The following KIAA1586 variants were observed in gnomAD, a reference collection of about 807,000 sequenced individuals.
KIAA1586 encodes the protein KIAA1586.
In KIAA1586, 5 loss-of-function variants were observed where a neutral mutation model predicts 6.1. The observed-to-expected ratio is 0.82, with a 90% confidence interval of 0.43 to 1.73. The LOEUF (loss-of-function observed/expected upper bound fraction) is 1.73. Among genes scored for constraint, KIAA1586 ranks in the 40% most tolerant of loss-of-function variants. KIAA1586 has a pLI of 0.02. For missense variants in KIAA1586, 899 were observed against 878.2 expected (o/e 1.02, Z -0.30); for synonymous variants, 280 against 301.7 (o/e 0.93, Z 0.75).
downstream of KIAA1586, among the ~76,000 whole-genome samples, chr6:57,055,599 G>T (rs1828486422): frequency 6.6e-6 from 1 of 152,080 alleles, no homozygotes; most frequent in Non-Finnish European, 1.5e-5. Context: ...ATTTTATGCA[G>T]ACAACAGGAA....
At chr6:57,058,692 A>G, downstream of KIAA1586, among the ~76,000 whole-genome samples, 1 of 152,210 alleles carries the variant, frequency 6.6e-6, no homozygotes, top group Admixed American at 6.5e-5. Context: ...AACTTCTAAA[A>G]ATAAAAATCA....
chr6:57,054,814 C>G lies in KIAA1586; in HGVS notation c.2315C>G (p.Ser772Ter). ...LATDTRVRQKSTKVFHENQLA... is the reference protein window; with the variant it reads ...LATDTRVRQK ...ACAGATACAAGAGTTCGGCAAAAGT[C>G]AACAAAAGTCTTCCATGAGAATCAA... The change falls in exon 4 of 4, where the codon TCA becomes TGA. Residue 772 changes from serine to a stop codon, truncating the protein, a stop_gained. Coordinates refer to ENST00000370733, the MANE Select transcript of KIAA1586 (RefSeq NM_020931.4). LOFTEE classifies it high-confidence loss of function. 1.3e-6 allele frequency: 2 copies of G among 1,550,732 alleles called. No homozygotes were observed. The highest frequency in any genetic ancestry group is 1.2e-5 in the South Asian group (1 of 83,950).
the KIAA1586 span, among the ~76,000 whole-genome samples, chr6:57,063,870 A>G: frequency 6.6e-6 from 1 of 152,234 alleles, no homozygotes; most frequent in South Asian, 2.1e-4. Context: ...AAACAATACT[A>G]TGAATTGGCC....
At position 57,055,038 on chromosome 6, in the gene KIAA1586, A is replaced by C; in HGVS notation, c.*175A>C. ...TTGGTTTTAGAAGCTATAGTTTTTT[A>C]GAGATTGGCCCATGTTTGCTAGAGT... On this transcript the variant is annotated 3_prime_UTR_variant, in exon 4 of 4. Transcript: ENST00000370733. 1.4e-6 allele frequency: 1 copy of C among 704,254 alleles called. No homozygotes were observed. The highest frequency in any genetic ancestry group is 2.2e-6 in the Non-Finnish European group (1 of 461,458). 43.6% of individuals were successfully genotyped at this position (704,254 alleles called of 1,614,324 possible). A position where few individuals can be genotyped will look rare whatever the true frequency, so the allele number is the denominator to read the frequency against.
In KIAA1586 at chr6:57,053,610, A is replaced by G. The variant is rs367875735; in HGVS notation, c.1111A>G (p.Asn371Asp). The G allele has an allele frequency of 2.5e-6, 4 of 1,611,038 alleles. No individual in the cohort carries two copies. The highest frequency in any genetic ancestry group is 3.4e-6 in the Non-Finnish European group (4 of 1,177,946). Reference protein sequence around the residue: ...CIVNTLLTTLNDCGFTNEYLK... With the variant: ...CIVNTLLTTLDDCGFTNEYLK... ...TGTCAATACATTATTGACTACTTTA[A>G]ATGATTGTGGTTTTACAAATGAATA... The change falls in exon 4 of 4, where the codon AAT becomes GAT. Residue 371 changes from asparagine (N) to aspartate (D), a missense_variant. Transcript: ENST00000370733.
Position 57,054,980 on chromosome 6 carries a change from A to G in KIAA1586, c.*117A>G. ...AACTTTTATCAGCATGTTGCTGTTTAAAAGGCGTTCTTTAAGAAGATAATC... is the reference window on the plus strand; with the variant it reads ...AACTTTTATCAGCATGTTGCTGTTTGAAAGGCGTTCTTTAAGAAGATAATC... On this transcript the variant is annotated 3_prime_UTR_variant, in exon 4 of 4. Transcript: ENST00000370733. 8.7e-7 allele frequency: 1 copy of G among 1,154,622 alleles called. No homozygotes were observed. 71.5% of individuals were successfully genotyped at this position (1,154,622 alleles called of 1,614,324 possible).
the KIAA1586 span, among the ~76,000 whole-genome samples, chr6:57,062,179 C>G: frequency 6.6e-6 from 1 of 152,170 alleles, no homozygotes; most frequent in Non-Finnish European, 1.5e-5. Context: ...AATACACTGA[C>G]CTTGGCCTCC....
chr6:57,059,426 A>C (rs1828536700), downstream of KIAA1586, among the ~76,000 whole-genome samples: 1 of 152,012 alleles, frequency 6.6e-6, no homozygotes, highest in Non-Finnish European at 1.5e-5. Flanking sequence ...CCCCGTCTCT[A>C]CTAAAAATAC....
intron 2 of KIAA1586, among the ~76,000 whole-genome samples, chr6:57,049,404 ACTT>A (rs1481010833): frequency 6.6e-6 from 1 of 152,012 alleles, no homozygotes; most frequent in Non-Finnish European, 1.5e-5. Flanking sequence ...AAAGTTTGTT[ACTT>A]CTTGATATAT....
At chr6:57,059,681 T>C (rs183302208), downstream of KIAA1586, among the ~76,000 whole-genome samples, 7 of 152,228 alleles carry the variant, frequency 4.6e-5, no homozygotes, top group Non-Finnish European at 7.4e-5. Context: ...CAAAACCAAG[T>C]TTCATCAATC....
chr6:57,053,862 A>G lies in KIAA1586; in HGVS notation c.1363A>G (p.Asn455Asp). 1.3e-6 allele frequency: 2 copies of G among 1,554,154 alleles called. No individual in the cohort carries two copies. Among genetic ancestry groups the G allele is most frequent in the Non-Finnish European group, 8.7e-7 (1 of 1,148,456 alleles). The change falls in exon 4 of 4, where the codon AAT becomes GAT. Residue 455 changes from asparagine (N) to aspartate (D), a missense_variant. Transcript: ENST00000370733. ...AATTTATTCTATTTATCATCAACCT[A>G]ATAAAAATCAAACCAAGCTTCTAGG... ...DKIYSIYHQP[N>D]KNQTKLLGTV... is the part of the protein sequence containing the mutation.
At chr6:57,059,682 T>G (rs1828540510), downstream of KIAA1586, among the ~76,000 whole-genome samples, 1 of 152,140 alleles carries the variant, frequency 6.6e-6, no homozygotes, top group Non-Finnish European at 1.5e-5. Context: ...AAAACCAAGT[T>G]TCATCAATCT....
the KIAA1586 span, among the ~76,000 whole-genome samples, chr6:57,061,076 C>G: frequency 3.5e-4 from 53 of 151,858 alleles, no homozygotes; most frequent in East Asian, 9.3e-3. Context: ...CTTCCTGGTT[C>G]AAGCGATTCT....
the KIAA1586 span, among the ~76,000 whole-genome samples, chr6:57,065,803 T>C: frequency 6.6e-6 from 1 of 152,230 alleles, no homozygotes; most frequent in Non-Finnish European, 1.5e-5. Context: ...TTATGTAGTT[T>C]CTATATGATT....
At chr6:57,066,743 T>TGTGC in the KIAA1586 span, among the ~76,000 whole-genome samples, 18 of 152,204 alleles carry the variant, frequency 1.2e-4, no homozygotes, top group African/African-American at 3.9e-4. Context: ...TATGTGGAGA[T>TGTGC]GTGCGTATGG....
downstream of KIAA1586, among the ~76,000 whole-genome samples, chr6:57,059,447 C>T (rs1562573742): frequency 6.6e-6 from 1 of 151,876 alleles, no homozygotes; most frequent in Non-Finnish European, 1.5e-5. Context: ...GAAAAATTAG[C>T]TGGTGTGGTG....
At chr6:57,052,592 G>T in intron 3 of KIAA1586, 94 bp from the exon 4 acceptor site, 1 of 940,904 alleles carries the variant, frequency 1.1e-6, no homozygotes, top group Non-Finnish European at 1.5e-6. Context: ...AGTTTAAAAT[G>T]TATTTCCAAA....
In KIAA1586 at chr6:57,050,818, T is replaced by C. The variant is rs139590457; in HGVS notation, c.150T>C (p.Cys50=). ...RPVLEYIDLV[C]GDDENPSAYY... is the part of the protein sequence containing the mutation. The stretch of plus-strand genomic sequence containing the variant: ...TTCTTGAATACATCGATCTGGTCTG[T>C]GGTGATGATGAAAACCCTAGCGCCT... The change falls in exon 3 of 4, where the codon TGT becomes TGC. Residue 50 remains cysteine, a synonymous_variant. Coordinates refer to ENST00000370733, the MANE Select transcript of KIAA1586 (RefSeq NM_020931.4). 496 of 1,613,660 alleles carry C rather than the reference T, an allele frequency of 3.1e-4. 2 individuals carry two copies. The Middle Eastern group carries it at 5.3e-3, about 17-fold the overall frequency.
downstream of KIAA1586, among the ~76,000 whole-genome samples, chr6:57,056,527 C>T (rs949152204): frequency 2.6e-5 from 4 of 151,106 alleles, no homozygotes; most frequent in South Asian, 6.3e-4. Flanking sequence ...GAGATTCTTG[C>T]ATGAAAGAAT....
Sources: gnomAD v4.1 joint callset for allele counts (sites outside exome capture counted in the v4.1 genomes callset) on GRCh38, gnomAD v4.1.1 for gene constraint, MANE v1.5 for transcripts, NCBI Gene and HGNC (gene_info 2026-07-23, HGNC 2026-07-21) for gene names.